The following FRAS1 variants were observed in gnomAD, a reference collection of about 807,000 sequenced individuals.
FRAS1 encodes the protein extracellular matrix organizing protein FRAS1.
In FRAS1, 290 loss-of-function variants were observed where a neutral mutation model predicts 435.2. The observed-to-expected ratio is 0.67, with a 90% confidence interval of 0.61 to 0.73. The LOEUF (loss-of-function observed/expected upper bound fraction) is 0.73, where lower values mean the gene tolerates loss of function less well. Ranked by LOEUF, FRAS1 falls within the 30% of genes least tolerant of loss-of-function variation. FRAS1 has a pLI of 0.00. For missense variants in FRAS1, 4,860 were observed against 5,001.5 expected, an observed-to-expected ratio of 0.97 and a Z score of 0.85; for synonymous variants, 1,800 against 1,851.0, an observed-to-expected ratio of 0.97 and a Z score of 0.71.
At chr4:78,343,144 T>C (rs1271978347) in intron 20 of FRAS1, among the ~76,000 whole-genome samples, 1 of 152,182 alleles carries the variant, frequency 6.6e-6, no homozygotes, top group Non-Finnish European at 1.5e-5. Context: ...GTAAGCAACT[T>C]TCTTTATTGC....
At chr4:78,483,799 A>ATATATATATATATATACATATATAT (rs1560753038) in intron 58 of FRAS1, among the ~76,000 whole-genome samples, 1 of 67,460 alleles carries the variant, frequency 1.5e-5, no homozygotes, top group African/African-American at 4.1e-5. Flanking sequence ...TATATATATA[A>ATATATATATATATATACATATATAT]AATTATGTAT....
intron 2 of FRAS1, among the ~76,000 whole-genome samples, chr4:78,172,754 AT>A (rs548028911): frequency 0.013 from 1,994 of 149,066 alleles, 48 homozygotes; most frequent in African/African-American, 0.045. Flanking sequence ...AAAAGTCACC[AT>A]TTTTTTTTTA....
intron 2 of FRAS1, among the ~76,000 whole-genome samples, chr4:78,209,190 C>T (rs1455570948): frequency 6.6e-6 from 1 of 151,912 alleles, no homozygotes; most frequent in Non-Finnish European, 1.5e-5. Flanking sequence ...TACAGAAAAG[C>T]CATACCTAGT....
intron 32 of FRAS1, among the ~76,000 whole-genome samples, chr4:78,417,811 C>T (rs1733610880): frequency 6.6e-6 from 1 of 151,770 alleles, no homozygotes; most frequent in Admixed American, 6.5e-5. Flanking sequence ...GAGATTCCAT[C>T]TGAAAGAAGG....
chr4:78,416,103 T>A (rs1733543305), intron 32 of FRAS1, among the ~76,000 whole-genome samples: 1 of 152,108 alleles, frequency 6.6e-6, no homozygotes, highest in Non-Finnish European at 1.5e-5. Context: ...GGAATATTAT[T>A]CAACCTTACA....
In FRAS1 at chr4:78,086,188, C is replaced by T. The variant is rs1195450645; in HGVS notation, c.108+20172C>T. Among the ~76,000 whole-genome samples the T allele has an allele frequency of 9.9e-5, 15 of 152,132 alleles. No homozygotes were observed. In the East Asian group the frequency reaches 1.7e-3, roughly 18 times the overall value. ...TCCTGAATGACTACTGGGTACATAA[C>T]GAAATGAAGGCAGAAATAAAGATGT... On this transcript the variant is annotated intron_variant, in intron 2 of 73. Coordinates refer to ENST00000512123, the MANE Select transcript of FRAS1 (RefSeq NM_025074.7).
intron 39 of FRAS1, 81 bp downstream of exon 39, chr4:78,438,799 G>A: frequency 1.3e-6 from 2 of 1,501,220 alleles, no homozygotes; most frequent in Non-Finnish European, 9.1e-7. Flanking sequence ...TAGCTCTGTT[G>A]AAAGAATATA....
chr4:78,382,631 A>AT (rs1190062840), intron 27 of FRAS1, among the ~76,000 whole-genome samples: 6 of 152,322 alleles, frequency 3.9e-5, no homozygotes, highest in Admixed American at 3.9e-4. Flanking sequence ...GACAAGAATC[A>AT]TTTTTTAAAA....
intron 2 of FRAS1, among the ~76,000 whole-genome samples, chr4:78,121,925 C>T (rs10018454): frequency 0.22 from 33,127 of 152,084 alleles, 3,969 homozygotes; most frequent in Admixed American, 0.29. Flanking sequence ...TTGTTTTAGA[C>T]GACAATCAAG....
At chr4:78,301,949 A>C (rs999351639) in intron 14 of FRAS1, among the ~76,000 whole-genome samples, 12 of 146,176 alleles carry the variant, frequency 8.2e-5, no homozygotes, top group African/African-American at 3.1e-4. Flanking sequence ...GGTGCGCTGC[A>C]CCCTCTAACT....
At position 78,473,469 on chromosome 4, in the gene FRAS1, G is replaced by A. The variant is rs779153609; in HGVS notation, c.7554G>A (p.Val2518=). The change falls in exon 53 of 74, where the codon GTG becomes GTA. Residue 2518 remains valine, a synonymous_variant. Coordinates refer to ENST00000512123, the MANE Select transcript of FRAS1 (RefSeq NM_025074.7). ...EDVNLGLIRY[V]LHKEKIREMM... is the part of the protein sequence containing the mutation. ...TGAACTTGGGGTTGATTCGTTATGT[G>A]TTGCACAAGGAGAAGATCCGTGAGA... 3 of 1,613,548 alleles carry A rather than the reference G, an allele frequency of 1.9e-6. No individual in the cohort carries two copies. The highest frequency in any genetic ancestry group is 1.7e-5 in the Admixed American group (1 of 59,990).
intron 14 of FRAS1, among the ~76,000 whole-genome samples, chr4:78,305,915 CT>C (rs1265648006): frequency 6.6e-6 from 1 of 150,956 alleles, no homozygotes; most frequent in Non-Finnish European, 1.5e-5. Flanking sequence ...ATGATGTTAG[CT>C]GCTTATTTTG....
chr4:78,358,618 G>A (rs1049982672), intron 20 of FRAS1, among the ~76,000 whole-genome samples: 1 of 152,068 alleles, frequency 6.6e-6, no homozygotes, highest in Non-Finnish European at 1.5e-5. Flanking sequence ...TTTGCCCAAT[G>A]TATATTCAGA....
rs1212295170 is a variant in FRAS1, at chr4:78,281,433, A to G, written c.1107A>G (p.Pro369=). The part of the protein sequence containing the change: ...SSNASEVKRI[P]EGEKWEDGPC... ...ATGCTAGTGAAGTTAAACGTATTCC[A>G]GTAAGTATAGCTTTTTAACTTGCAC... The change falls in exon 11 of 74, where the codon CCA becomes CCG. Residue 369 remains proline (P), a splice_region_variant and synonymous_variant. Transcript: ENST00000512123. 1.3e-6 allele frequency: 2 copies of G among 1,561,784 alleles called. No individual in the cohort carries two copies.
rs181525962 is a variant in FRAS1, at chr4:78,542,496, A to T, written c.*1372A>T. On this transcript the variant is annotated 3_prime_UTR_variant, in exon 74 of 74. Transcript: ENST00000512123. ...AGAGTAAAAGACATGTCCTCTTCTG[A>T]TGCATGGCACACCATAGTCACCAAG... 146 of 152,784 alleles carry T rather than the reference A, an allele frequency of 9.6e-4. No individual in the cohort carries two copies. Among genetic ancestry groups the T allele is most frequent in the African/African-American group, 3.3e-3 (139 of 41,574 alleles). 9.5% of individuals were successfully genotyped at this position (152,784 alleles called of 1,614,324 possible).
intron 2 of FRAS1, among the ~76,000 whole-genome samples, chr4:78,087,863 T>C (rs371652875): frequency 1.3e-5 from 2 of 152,196 alleles, no homozygotes; most frequent in East Asian, 3.8e-4. Context: ...AGGTAATTTA[T>C]AGATTCAATG....
chr4:78,278,821 GT>G, intron 10 of FRAS1, 77 bp downstream of exon 10: 1 of 869,076 alleles, frequency 1.2e-6, no homozygotes. Flanking sequence ...TTACCTTCTT[GT>G]TTCTTTTGCC....
At chr4:78,132,620 G>A (rs1489121160) in intron 2 of FRAS1, among the ~76,000 whole-genome samples, 1 of 152,186 alleles carries the variant, frequency 6.6e-6, no homozygotes, top group Non-Finnish European at 1.5e-5. Flanking sequence ...TGGTTGTTCA[G>A]GAGACAGGAG....
At chr4:78,448,843 G>A (rs372161400) in intron 44 of FRAS1, among the ~76,000 whole-genome samples, 1 of 152,182 alleles carries the variant, frequency 6.6e-6, no homozygotes, top group East Asian at 1.9e-4. Context: ...AGCAACATTG[G>A]AGGACCTGTG....
Sources: allele counts gnomAD v4.1 joint callset (sites outside exome capture counted in the v4.1 genomes callset), GRCh38; gene constraint gnomAD v4.1.1; transcripts MANE v1.5; gene names NCBI Gene and HGNC (gene_info 2026-07-23, HGNC 2026-07-21).